FSTL4: variants seen among roughly 807,000 people sequenced by gnomAD.
FSTL4 encodes follistatin-related protein 4.
FSTL4 carries 28 observed loss-of-function variants against 78.2 expected under a neutral mutation model. The ratio of observed to expected loss-of-function variants is 0.36; its 90% CI spans 0.27 to 0.49. The LOEUF is 0.49. FSTL4 is among the 20% of genes least tolerant of loss of function. FSTL4 has a pLI of 0.98. For synonymous variants in FSTL4, 422 were observed against 440.5 expected (o/e 0.96, Z 0.53); for missense variants, 922 against 1,084.9 (o/e 0.85, Z 2.11).
At chr5:133,414,951 A>G (rs1756547549) in intron 3 of FSTL4, among the ~76,000 whole-genome samples, 1 of 152,206 alleles carries the variant, frequency 6.6e-6, no homozygotes, top group Admixed American at 6.5e-5. Flanking sequence ...ACAATGGAGG[A>G]AAAAAATGGA....
chr5:133,729,878 G>A, the FSTL4 span, among the ~76,000 whole-genome samples: 50 of 152,222 alleles, frequency 3.3e-4, no homozygotes, highest in African/African-American at 1.1e-3. Flanking sequence ...TGAGAGGAAC[G>A]AGTCTCTCAA....
chr5:133,306,226 G>A (rs1188534426), intron 6 of FSTL4, among the ~76,000 whole-genome samples: 3 of 152,266 alleles, frequency 2.0e-5, no homozygotes, highest in Non-Finnish European at 4.4e-5. Flanking sequence ...CTGGTCTTGG[G>A]CTGCTGAAGC....
intron 3 of FSTL4, among the ~76,000 whole-genome samples, chr5:133,554,014 G>A (rs918766180): frequency 5.9e-5 from 9 of 152,306 alleles, no homozygotes; most frequent in African/African-American, 1.4e-4. Context: ...CCTCAGGCAC[G>A]TCACTGTACC....
chr5:133,480,387 A>G (rs567220740), intron 3 of FSTL4, among the ~76,000 whole-genome samples: 1 of 152,348 alleles, frequency 6.6e-6, no homozygotes, highest in East Asian at 1.9e-4. Context: ...GCAGAAACCG[A>G]GGCACTTAAA....
the FSTL4 span, among the ~76,000 whole-genome samples, chr5:133,722,455 T>C: frequency 6.6e-6 from 1 of 152,240 alleles, no homozygotes; most frequent in Admixed American, 6.5e-5. Flanking sequence ...TTCTTTTTAA[T>C]GATATCTCTT....
chr5:133,619,267 T>C, the FSTL4 span, among the ~76,000 whole-genome samples: 1 of 152,100 alleles, frequency 6.6e-6, no homozygotes, highest in Non-Finnish European at 1.5e-5. Context: ...CTAAGTTGGC[T>C]CATGGAGGAT....
At chr5:133,736,652 T>C in the FSTL4 span, among the ~76,000 whole-genome samples, 1 of 151,528 alleles carries the variant, frequency 6.6e-6, no homozygotes, top group African/African-American at 2.4e-5. Flanking sequence ...GGGTGCACAG[T>C]GGAGAGAGAA....
intron 2 of FSTL4, among the ~76,000 whole-genome samples, chr5:133,571,716 A>G (rs1189795701): frequency 6.6e-6 from 1 of 152,200 alleles, no homozygotes; most frequent in Non-Finnish European, 1.5e-5. Flanking sequence ...AAATAATCAA[A>G]CAAAAATTTC....
intron 14 of FSTL4, among the ~76,000 whole-genome samples, chr5:133,209,311 T>C (rs1750628297): frequency 6.6e-6 from 1 of 152,154 alleles, no homozygotes; most frequent in Admixed American, 6.5e-5. Flanking sequence ...GACCCTGGTC[T>C]TTCTGCCCTC....
At position 133,606,705 on chromosome 5, in the gene FSTL4, C is replaced by T. The variant is rs73273785; in HGVS notation, c.-10-2712G>A. Among the ~76,000 whole-genome samples, 1,037 of 152,202 alleles carry T rather than the reference C, an allele frequency of 6.8e-3. 11 individuals carry two copies. Among genetic ancestry groups the T allele is most frequent in the African/African-American group, 0.023 (973 of 41,522 alleles). On this transcript the variant is annotated intron_variant, in intron 1 of 15. Transcript: ENST00000265342. ...TTCCATGTCTCCTAGCTCACATAAA[C>T]GAAAAACAGCAAGATAATCCAAATC...
intron 13 of FSTL4, among the ~76,000 whole-genome samples, chr5:133,216,676 G>A (rs752443597): frequency 5.3e-5 from 8 of 152,234 alleles, no homozygotes; most frequent in African/African-American, 9.6e-5. Flanking sequence ...CCACCAGGTT[G>A]ATTCTTTAAA....
the FSTL4 span, among the ~76,000 whole-genome samples, chr5:133,644,341 C>T: frequency 2.0e-5 from 3 of 151,896 alleles, no homozygotes; most frequent in African/African-American, 7.3e-5. Context: ...AACCCTGCGG[C>T]AGGGGCAGGA....
intron 2 of FSTL4, among the ~76,000 whole-genome samples, chr5:133,593,025 C>T (rs770414853): frequency 3.8e-4 from 58 of 152,220 alleles, no homozygotes; most frequent in Admixed American, 3.6e-3. Flanking sequence ...AGGAATAAGA[C>T]CTCCAATAGG....
At chr5:133,623,817 T>C in the FSTL4 span, among the ~76,000 whole-genome samples, 3 of 152,014 alleles carry the variant, frequency 2.0e-5, no homozygotes, top group African/African-American at 7.2e-5. Flanking sequence ...GGCAGAGGAC[T>C]TGAACAAACA....
chr5:133,819,734 G>T, the FSTL4 span, among the ~76,000 whole-genome samples: 69 of 152,180 alleles, frequency 4.5e-4, no homozygotes, highest in Non-Finnish European at 8.1e-4. Context: ...AAGAAGAAAA[G>T]GAATAGTCTG....
the FSTL4 span, among the ~76,000 whole-genome samples, chr5:133,619,762 C>T: frequency 0.074 from 11,338 of 152,294 alleles, 449 homozygotes; most frequent in South Asian, 0.17. Flanking sequence ...CATGCACATA[C>T]ATCAGCATTG....
chr5:133,236,205 C>A lies in FSTL4; in HGVS notation c.895-2668G>T, dbSNP rs571394730. 2.7e-4 allele frequency among the ~76,000 whole-genome samples: 40 copies of A among 147,234 alleles called. No homozygotes were observed. Among genetic ancestry groups the A allele is most frequent in the Admixed American group, 1.5e-3 (23 of 15,046 alleles). ...AAGCTGGCCTCAGGCTCTGGCAGGC[C>A]CTGCCCTCATCACCACCTGTGTGGT... On this transcript the variant is annotated intron_variant, in intron 7 of 15. Transcript: ENST00000265342. This position sits in a 1 kb window ranked among gnomAD's most constrained non-coding sequence, Gnocchi z 5.0.
chr5:133,365,605 C>A (rs1430833102), intron 4 of FSTL4, among the ~76,000 whole-genome samples: 1 of 152,228 alleles, frequency 6.6e-6, no homozygotes, highest in Non-Finnish European at 1.5e-5. Flanking sequence ...TGAGCCTAAT[C>A]AGCGGTGCAG....
chr5:133,536,946 C>A (rs1219172643), intron 3 of FSTL4, among the ~76,000 whole-genome samples: 1 of 152,084 alleles, frequency 6.6e-6, no homozygotes, highest in African/African-American at 2.4e-5. Context: ...TCATGTCTCC[C>A]AGTGCAAATA....
Sources: gnomAD v4.1 joint callset for allele counts (sites outside exome capture counted in the v4.1 genomes callset) on GRCh38, gnomAD v4.1.1 for gene constraint, Gnocchi (gnomAD v3.1) non-coding constraint, MANE v1.5 for transcripts, NCBI Gene and HGNC (gene_info 2026-07-23, HGNC 2026-07-21) for gene names.